The following OSBPL6 variants were observed in gnomAD, a reference collection of about 807,000 sequenced individuals.
OSBPL6 encodes the protein oxysterol binding protein like 6, also known as oxysterol-binding protein-related protein 6.
In OSBPL6, 49 loss-of-function variants were observed where a neutral mutation model predicts 125.8. The observed-to-expected ratio is 0.39, with a 90% confidence interval of 0.31 to 0.49. OSBPL6 has a LOEUF of 0.49. Among genes scored for constraint, OSBPL6 ranks in the 20% least tolerant of loss-of-function variants. OSBPL6 has a pLI of 0.88. For missense variants in OSBPL6, 986 were observed against 1,135.4 expected (o/e 0.87, Z 1.89); for synonymous variants, 394 against 391.8 (o/e 1.01, Z -0.07).
At position 178,336,161 on chromosome 2, in the gene OSBPL6, T is replaced by C. The variant is rs1362040494; in HGVS notation, c.658-140T>C. On this transcript the variant is annotated intron_variant, in intron 8 of 24. Coordinates refer to ENST00000190611, the MANE Select transcript of OSBPL6 (RefSeq NM_032523.4). Reference sequence around the variant, plus strand: ...CGCCCTCACTGGGCACAAACCACATTTAGCCAAGAGGCTTCTTCCATGTTT... The same window carrying C: ...CGCCCTCACTGGGCACAAACCACATCTAGCCAAGAGGCTTCTTCCATGTTT... 5 of 1,101,280 alleles carry C rather than the reference T, an allele frequency of 4.5e-6. No homozygotes were observed. The Admixed American group carries it at 1.2e-4, about 26-fold the overall frequency. The allele number at this position is 1,101,280 out of a possible 1,614,324, so 68.2% of individuals were successfully genotyped here.
intron 1 of OSBPL6, among the ~76,000 whole-genome samples, chr2:178,239,925 C>G (rs1215308930): frequency 6.6e-6 from 1 of 151,850 alleles, no homozygotes; most frequent in Non-Finnish European, 1.5e-5. Flanking sequence ...CCGTGCTCAG[C>G]CTGAACTTCA....
intron 3 of OSBPL6, among the ~76,000 whole-genome samples, chr2:178,307,483 G>A (rs1299395133): frequency 2.0e-5 from 3 of 152,092 alleles, no homozygotes; most frequent in Non-Finnish European, 2.9e-5. Context: ...GTTCAAAGAC[G>A]ACACCTATAT....
Position 178,398,804 on chromosome 2 carries a change from T to A in OSBPL6, c.*3245T>A, listed in dbSNP as rs1383095233. 1 of 152,146 alleles carries A rather than the reference T, an allele frequency of 6.6e-6. No homozygotes were observed. Among genetic ancestry groups the A allele is most frequent in the African/African-American group, 2.4e-5 (1 of 41,438 alleles). 9.4% of individuals were successfully genotyped at this position (152,146 alleles called of 1,614,324 possible). The stretch of plus-strand genomic sequence containing the variant: ...GCCTTTCAGCAACCCCACTAATCAA[T>A]TATTAGATCCTGCCCCAAGGAGCAG... On this transcript the variant is annotated 3_prime_UTR_variant, in exon 25 of 25. Transcript: ENST00000190611.
chr2:178,279,954 C>T (rs1683980938), intron 1 of OSBPL6, among the ~76,000 whole-genome samples: 1 of 152,250 alleles, frequency 6.6e-6, no homozygotes, highest in East Asian at 1.9e-4. Flanking sequence ...AATCCCAGCA[C>T]TTTGGGAGGC....
intron 1 of OSBPL6, among the ~76,000 whole-genome samples, chr2:178,270,283 A>G (rs1189979196): frequency 1.3e-5 from 2 of 152,212 alleles, no homozygotes; most frequent in East Asian, 1.9e-4. Context: ...ATCATAAAGC[A>G]TGACTATGAA....
At chr2:178,373,839 T>G (rs777187250) in intron 14 of OSBPL6, 51 bp from the exon 15 acceptor site, 1 of 1,601,694 alleles carries the variant, frequency 6.2e-7, no homozygotes, top group South Asian at 1.1e-5. Flanking sequence ...AAGGAATAGC[T>G]ATTCTAACAG....
intron 11 of OSBPL6, 33 bp from the exon 12 acceptor site, chr2:178,349,191 T>G: frequency 1.2e-6 from 2 of 1,603,408 alleles, no homozygotes; most frequent in Non-Finnish European, 1.7e-6. Flanking sequence ...AATGCACTGT[T>G]GCTGTTTAAT....
intron 2 of OSBPL6, among the ~76,000 whole-genome samples, chr2:178,289,933 T>C (rs1685083961): frequency 6.6e-6 from 1 of 152,218 alleles, no homozygotes; most frequent in Non-Finnish European, 1.5e-5. Flanking sequence ...CTGTGTACTT[T>C]ACGTAGTGCC....
chr2:178,323,991 G>A (rs1006692140), intron 3 of OSBPL6, among the ~76,000 whole-genome samples, 186 bp from the exon 4 acceptor site: 2 of 152,216 alleles, frequency 1.3e-5, no homozygotes, highest in South Asian at 2.1e-4. Context: ...AAATCTAGAA[G>A]AGGAGGGGAA....
At chr2:178,290,292 T>C (rs1685121838) in intron 2 of OSBPL6, among the ~76,000 whole-genome samples, 1 of 152,174 alleles carries the variant, frequency 6.6e-6, no homozygotes, top group South Asian at 2.1e-4. Flanking sequence ...AATATCAGAG[T>C]TGGTGCTATA....
intron 3 of OSBPL6, among the ~76,000 whole-genome samples, chr2:178,308,438 T>G (rs910881588): frequency 1.3e-5 from 2 of 152,240 alleles, no homozygotes; most frequent in African/African-American, 4.8e-5. Context: ...CTGATTTGAC[T>G]GACATCTATG....
Position 178,281,302 on chromosome 2 carries a change from C to T in OSBPL6, c.-350-3625C>T, listed in dbSNP as rs531561249. Among the ~76,000 whole-genome samples, 17 of 152,234 alleles carry T rather than the reference C, an allele frequency of 1.1e-4. No homozygotes were observed. The South Asian group carries it at 2.5e-3, about 22-fold the overall frequency. ...TGCTGGGATTACAGGTGTGAGCCAC[C>T]GTGCCCGGCCGCTTTTGACGTTTTC... On this transcript the variant is annotated intron_variant, in intron 1 of 24. Transcript: ENST00000190611.
chr2:178,292,706 GC>G (rs1397714874), intron 2 of OSBPL6, among the ~76,000 whole-genome samples: 1 of 152,070 alleles, frequency 6.6e-6, no homozygotes, highest in East Asian at 1.9e-4. Context: ...ACTGTTATGG[GC>G]CCTGGGGTTA....
chr2:178,231,846 T>G (rs2090836077), intron 1 of OSBPL6, among the ~76,000 whole-genome samples: 1 of 152,086 alleles, frequency 6.6e-6, no homozygotes, highest in Non-Finnish European at 1.5e-5. Flanking sequence ...AACCTTTTTG[T>G]AGAGATAGGG....
In OSBPL6 at chr2:178,306,146, A is replaced by T; in HGVS notation, c.-39A>T. 1 of 1,204,732 alleles carries T rather than the reference A, an allele frequency of 8.3e-7. No individual in the cohort carries two copies. The highest frequency in any genetic ancestry group is 1.9e-4 in the Middle Eastern group (1 of 5,222). The allele number at this position is 1,204,732 out of a possible 1,614,324, so 74.6% of individuals were successfully genotyped here. A position where few individuals can be genotyped will look rare whatever the true frequency, so the allele number is the denominator to read the frequency against. ...TTTGTGGATTTGAGAGAAGATTGGG[A>T]TGGTCTTAAGTGCATAAAACGAGAC... On this transcript the variant is annotated 5_prime_UTR_variant, in exon 3 of 25. The change abolishes an upstream ATG in the 5' untranslated region. Transcript: ENST00000190611.
chr2:178,228,399 G>A (rs970305675), intron 1 of OSBPL6, among the ~76,000 whole-genome samples: 25 of 152,208 alleles, frequency 1.6e-4, no homozygotes, highest in Non-Finnish European at 1.2e-4. Context: ...GCCGGGTGTG[G>A]TGGCGTGCGC....
At chr2:178,309,877 G>A (rs143487501) in intron 3 of OSBPL6, among the ~76,000 whole-genome samples, 211 of 152,336 alleles carry the variant, frequency 1.4e-3, no homozygotes, top group Non-Finnish European at 2.4e-3. Flanking sequence ...CCCAAAGTGT[G>A]TGCCGAGGAA....
chr2:178,395,551 C>A lies in OSBPL6; in HGVS notation c.2797C>A (p.Leu933Ile), dbSNP rs760343910. Residue 933 changes from leucine to isoleucine, a missense_variant, in exon 25 of 25, where the codon CTT becomes ATT. By Grantham distance (5) the Leu-to-Ile change is conservative (BLOSUM62 2). Around this residue, in one of 3 missense-constraint regions of OSBPL6, gnomAD observed 843 missense variants for 997.3 expected, o/e 0.85. Transcript: ENST00000190611. ...GTTTAGCAAAGTAGACAGCCCTGTT[C>A]TTTGGTAGACTGGGAATGTAGAGCT... ...PGFSKVDSPV[L>I]W The A allele has an allele frequency of 1.2e-6, 2 of 1,606,238 alleles. No individual in the cohort carries two copies. The highest frequency in any genetic ancestry group is 2.2e-5 in the South Asian group (2 of 90,842).
chr2:178,287,507 G>C (rs566009272), intron 2 of OSBPL6, among the ~76,000 whole-genome samples: 1 of 152,294 alleles, frequency 6.6e-6, no homozygotes, highest in Admixed American at 6.5e-5. Context: ...AATCGTGCAT[G>C]AGTCCCTTTG....
Sources: gnomAD v4.1 joint callset for allele counts (sites outside exome capture counted in the v4.1 genomes callset) on GRCh38, gnomAD v4.1.1 for gene constraint, gnomAD v4.1.1 regional missense constraint, MANE v1.5 for transcripts, NCBI Gene and HGNC (gene_info 2026-07-23, HGNC 2026-07-21) for gene names.